The following SPTB variants were observed in gnomAD, a reference collection of about 807,000 sequenced individuals.
SPTB encodes spectrin beta chain, erythrocytic.
SPTB carries 45 observed loss-of-function variants against 256.2 expected under a neutral mutation model. That is an observed-to-expected ratio of 0.18 (90% confidence interval 0.14 to 0.23). The LOEUF is 0.23. SPTB is among the 10% of genes least tolerant of loss of function. SPTB has a pLI of 1.00. For synonymous variants in SPTB, 1,231 were observed against 1,243.1 expected (o/e 0.99, Z 0.21); for missense variants, 2,715 against 3,040.4 (o/e 0.89, Z 2.52).
chr14:64,765,724 G>T (rs569355733), intron 32 of SPTB, among the ~76,000 whole-genome samples: 3 of 152,210 alleles, frequency 2.0e-5, no homozygotes, highest in African/African-American at 7.2e-5. Context: ...GGAAAGAATC[G>T]CCTACAAGGA....
At chr14:64,803,500 C>T (rs954281248) in intron 4 of SPTB, 107 bp downstream of exon 4, 4 of 1,416,442 alleles carry the variant, frequency 2.8e-6, no homozygotes, top group Non-Finnish European at 4.0e-6. Flanking sequence ...TACAGCCTTC[C>T]CAGAATGTGC....
intron 30 of SPTB, 147 bp downstream of exon 30, chr14:64,767,516 C>T (rs2082205022): frequency 1.5e-6 from 2 of 1,353,510 alleles, no homozygotes; most frequent in East Asian, 2.3e-5. Flanking sequence ...GTACTTCCTG[C>T]CACTTGTCTT....
In SPTB at chr14:64,841,545, AAC is replaced by A. The variant is rs750014165; in HGVS notation, c.-51-18402_-51-18401del. 1.3e-4 allele frequency among the ~76,000 whole-genome samples: 20 copies of A among 152,114 alleles called. No individual in the cohort carries two copies. The highest frequency in any genetic ancestry group is 2.5e-4 in the Non-Finnish European group (17 of 68,016). On this transcript the variant is annotated intron_variant, in intron 1 of 35. Transcript: ENST00000644917. This position sits in a 1 kb window ranked among gnomAD's most constrained non-coding sequence, Gnocchi z 4.6. The stretch of plus-strand genomic sequence containing the variant: ...GCTAATCCACGCCCTGAGATTTCAA[AAC>A]ACAGAATGCACTGGGTCTCTAGCCT...
At chr14:64,781,391 A>T (rs2082469360) in intron 20 of SPTB, among the ~76,000 whole-genome samples, 1 of 152,226 alleles carries the variant, frequency 6.6e-6, no homozygotes, top group South Asian at 2.1e-4. Flanking sequence ...AAACAATGCC[A>T]TTAAAAAGTG....
At chr14:64,872,050 A>G (rs1394242540) in intron 1 of SPTB, among the ~76,000 whole-genome samples, 1 of 152,242 alleles carries the variant, frequency 6.6e-6, no homozygotes, top group African/African-American at 2.4e-5. Flanking sequence ...AACAGATGTC[A>G]TGAATCATCC....
At position 64,807,862 on chromosome 14, in the gene SPTB, C is replaced by A. The variant is rs906272089; in HGVS notation, c.149-2772G>T. Among the ~76,000 whole-genome samples, 15 of 152,220 alleles carry A rather than the reference C, an allele frequency of 9.9e-5. No individual in the cohort carries two copies. Among genetic ancestry groups the A allele is most frequent in the African/African-American group, 3.6e-4 (15 of 41,456 alleles). Reference sequence around the variant, plus strand: ...GGGACCCAGGCCATCCTACTGGGACCCACCATGGGAAGGAGGCCTCAGCAC... The same window carrying A: ...GGGACCCAGGCCATCCTACTGGGACACACCATGGGAAGGAGGCCTCAGCAC... On this transcript the variant is annotated intron_variant, in intron 2 of 35. Coordinates refer to ENST00000644917, the MANE Select transcript of SPTB (RefSeq NM_001355436.2). This position sits in a 1 kb window ranked among gnomAD's most constrained non-coding sequence, Gnocchi z 4.7.
chr14:64,878,132 G>A (rs1198369085), intron 1 of SPTB, among the ~76,000 whole-genome samples: 1 of 152,206 alleles, frequency 6.6e-6, no homozygotes, highest in Non-Finnish European at 1.5e-5. Flanking sequence ...CACTGATAAA[G>A]CTAAGAGCAA....
At chr14:64,768,082 C>A (rs570496487) in intron 29 of SPTB, 1 of 608,322 alleles carries the variant, frequency 1.6e-6, no homozygotes, top group Admixed American at 2.5e-5. Context: ...CAATCTGTCA[C>A]CCAGGCTGGA....
intron 1 of SPTB, among the ~76,000 whole-genome samples, chr14:64,850,513 C>A (rs541768744): frequency 1.3e-5 from 2 of 152,314 alleles, no homozygotes; most frequent in Non-Finnish European, 2.9e-5. Flanking sequence ...TCACAAGGGC[C>A]CCCTCACAAA....
intron 33 of SPTB, among the ~76,000 whole-genome samples, chr14:64,752,661 C>T (rs535514651): frequency 5.0e-4 from 76 of 152,242 alleles, no homozygotes; most frequent in African/African-American, 1.6e-3. Context: ...TGTTAGTTTC[C>T]CCTTTCTGGG....
chr14:64,751,508 A>G (rs544788585), intron 33 of SPTB, among the ~76,000 whole-genome samples: 1 of 152,172 alleles, frequency 6.6e-6, no homozygotes, highest in Non-Finnish European at 1.5e-5. Flanking sequence ...ATAATACTGG[A>G]AAATGTGCCC....
chr14:64,803,881 C>T (rs2139638176), intron 3 of SPTB, 101 bp from the exon 4 acceptor site: 2 of 1,291,918 alleles, frequency 1.5e-6, no homozygotes, highest in Admixed American at 2.2e-5. Flanking sequence ...CACCCTCCAC[C>T]CTCTTGGCCA....
At position 64,774,486 on chromosome 14, in the gene SPTB, C is replaced by T. The variant is rs1379422796; in HGVS notation, c.4884G>A (p.Arg1628=). The T allele has an allele frequency of 6.4e-7, 1 of 1,555,694 alleles. No individual in the cohort carries two copies. The highest frequency in any genetic ancestry group is 8.7e-7 in the Non-Finnish European group (1 of 1,149,348). ...CGTAGTCCTCCACCGCACGCTGCTG[C>T]CGCAAATGTCGCTTCAGCATCACAA... is the stretch of plus-strand genomic sequence containing the variant. The part of the protein sequence containing the change: ...GAIVMLKRHL[R]QQRAVEDYGR... The change falls in exon 24 of 36, where the codon CGG becomes CGA. Residue 1628 remains arginine (R), a synonymous_variant. Coordinates refer to ENST00000644917, the MANE Select transcript of SPTB (RefSeq NM_001355436.2).
intron 1 of SPTB, among the ~76,000 whole-genome samples, chr14:64,838,420 A>G (rs2083557670): frequency 6.6e-6 from 1 of 152,220 alleles, no homozygotes; most frequent in African/African-American, 2.4e-5. Flanking sequence ...AGATTTGATC[A>G]ATTTGACCAT....
At position 64,793,293 on chromosome 14, in the gene SPTB, C is replaced by T. The variant is rs2082707490; in HGVS notation, c.2370G>A (p.Glu790=). ...ALGKKHKDFL[E]ELEESRGVME... ...TCACCCCACGGCTCTCCTCCAGCTC[C>T]TCCAGGAAGTCCTTGTGCTTTTTCC... Residue 790 remains glutamate (E), a synonymous_variant, in exon 14 of 36, where the codon GAG becomes GAA. Transcript: ENST00000644917. This position sits in a 1 kb window ranked among gnomAD's most constrained non-coding sequence, Gnocchi z 7.0. The T allele has an allele frequency of 6.2e-7, 1 of 1,606,968 alleles. No homozygotes were observed. The highest frequency in any genetic ancestry group is 1.3e-5 in the African/African-American group (1 of 74,940).
intron 1 of SPTB, among the ~76,000 whole-genome samples, chr14:64,831,883 TA>T (rs755869984): frequency 1.8e-4 from 28 of 152,088 alleles, no homozygotes; most frequent in African/African-American, 6.5e-4. Flanking sequence ...TTTACATAAT[TA>T]AAAAATATAT....
chr14:64,858,431 T>C (rs426044), intron 1 of SPTB, among the ~76,000 whole-genome samples: 142,732 of 152,204 alleles, frequency 0.94, 67,542 homozygotes, highest in Non-Finnish European at 0.98. Flanking sequence ...AAACTAGAAA[T>C]TCGAGCAGGT....
intron 20 of SPTB, 41 bp downstream of exon 20, chr14:64,782,249 C>G: frequency 6.2e-7 from 1 of 1,614,038 alleles, no homozygotes; most frequent in Non-Finnish European, 8.5e-7. Context: ...TCCACTATCC[C>G]TTCTATCCTA....
intron 1 of SPTB, among the ~76,000 whole-genome samples, chr14:64,860,923 G>C (rs1334450990): frequency 6.6e-6 from 1 of 152,206 alleles, no homozygotes; most frequent in African/African-American, 2.4e-5. Flanking sequence ...GCACATGTAT[G>C]TTTATTGCAG....
Sources: gnomAD v4.1 joint callset for allele counts (sites outside exome capture counted in the v4.1 genomes callset) on GRCh38, gnomAD v4.1.1 for gene constraint, Gnocchi (gnomAD v3.1) non-coding constraint, MANE v1.5 for transcripts, NCBI Gene and HGNC (gene_info 2026-07-23, HGNC 2026-07-21) for gene names.